Variants in SGPP2 observed in about 807,000 individuals in gnomAD.
The protein encoded by SGPP2 is sphingosine-1-phosphate phosphatase 2, also known as sphingosine 1-phosphate phosphohydrolase 2.
Under a neutral mutation model 33.9 loss-of-function variants are expected in SGPP2, and 30 were observed. That is an observed-to-expected ratio of 0.89 (90% confidence interval 0.66 to 1.20). The LOEUF (loss-of-function observed/expected upper bound fraction) is 1.20. Among genes scored for constraint, SGPP2 ranks in the 50% most tolerant of loss-of-function variants. SGPP2 has a pLI of 0.00. For synonymous variants in SGPP2, 233 were observed against 225.0 expected (o/e 1.04, Z -0.32); for missense variants, 458 against 532.1 (o/e 0.86, Z 1.37).
chr2:222,530,630 G>C (rs1328319163), intron 4 of SGPP2, among the ~76,000 whole-genome samples: 2 of 152,116 alleles, frequency 1.3e-5, no homozygotes, highest in East Asian at 3.9e-4. Context: ...ATTAGACTTT[G>C]GCTTAAGGGA....
Position 222,562,023 on chromosome 2 carries a change from G to A in SGPP2, c.*3125G>A, listed in dbSNP as rs1689551906. Among the ~76,000 whole-genome samples, 1 of 152,078 alleles carries A rather than the reference G, an allele frequency of 6.6e-6. No homozygotes were observed. Among genetic ancestry groups the A allele is most frequent in the South Asian group, 2.1e-4 (1 of 4,828 alleles). ...TCTGGGGAAAGAGAGCCCCCTACTG[G>A]TTTGGCTTCAGTCTAGGTCCACCAT... On this transcript the variant is annotated 3_prime_UTR_variant, in exon 5 of 5. Coordinates refer to ENST00000321276, the MANE Select transcript of SGPP2 (RefSeq NM_152386.4).
intron 2 of SGPP2, among the ~76,000 whole-genome samples, chr2:222,515,261 A>T (rs1313493028): frequency 4.6e-5 from 7 of 152,086 alleles, no homozygotes; most frequent in African/African-American, 9.7e-5. Flanking sequence ...CCATTCTACA[A>T]CATGGTGCCT....
intron 2 of SGPP2, among the ~76,000 whole-genome samples, chr2:222,490,541 G>A (rs989131283): frequency 6.6e-6 from 1 of 151,942 alleles, no homozygotes; most frequent in Non-Finnish European, 1.5e-5. Context: ...AGACTTAAGT[G>A]ATCCTCCAAC....
intron 1 of SGPP2, among the ~76,000 whole-genome samples, chr2:222,447,405 C>T (rs1697413868): frequency 6.6e-6 from 1 of 152,244 alleles, no homozygotes; most frequent in Non-Finnish European, 1.5e-5. Context: ...TAACAAGCCA[C>T]AAGAAAGTGG....
chr2:222,490,510 G>A lies in SGPP2; in HGVS notation c.378+15784G>A, dbSNP rs1698180588. On this transcript the variant is annotated intron_variant, in intron 2 of 4. Transcript: ENST00000321276. ...GTGGTGCAATCACAGGTCACTGCAA[G>A]CTAGACTTCCTAGACTTACTAGACT... Among the ~76,000 whole-genome samples, 6 of 152,124 alleles carry A rather than the reference G, an allele frequency of 3.9e-5. No individual in the cohort carries two copies. The South Asian group carries it at 1.2e-3, about 32-fold the overall frequency.
chr2:222,487,972 T>C (rs955878149), intron 2 of SGPP2, among the ~76,000 whole-genome samples: 1 of 152,130 alleles, frequency 6.6e-6, no homozygotes, highest in African/African-American at 2.4e-5. Context: ...ATGTTTATCA[T>C]AGAGAACAAA....
intron 4 of SGPP2, among the ~76,000 whole-genome samples, chr2:222,554,638 T>C (rs1228627948): frequency 6.6e-6 from 1 of 152,168 alleles, no homozygotes; most frequent in Non-Finnish European, 1.5e-5. Context: ...TACAGTTTCA[T>C]TAACAGAACG....
At chr2:222,424,506 A>C, upstream of SGPP2, 1 of 857,978 alleles carries the variant, frequency 1.2e-6, no homozygotes, top group Non-Finnish European at 1.5e-6. Flanking sequence ...CTCCGCCCGG[A>C]GTGCGGGATC....
intron 1 of SGPP2, among the ~76,000 whole-genome samples, chr2:222,446,397 AAT>A (rs1697399741): frequency 6.6e-6 from 1 of 152,204 alleles, no homozygotes; most frequent in East Asian, 1.9e-4. Context: ...AGGAACTATA[AAT>A]AGTCAAAAGT....
chr2:222,426,209 CA>C (rs59881994), intron 1 of SGPP2, among the ~76,000 whole-genome samples: 234 of 58,752 alleles, frequency 4.0e-3, no homozygotes, highest in South Asian at 0.011. Context: ...GACTCCGTCT[CA>C]AAAAAAAAAA....
intron 4 of SGPP2, among the ~76,000 whole-genome samples, chr2:222,542,665 G>T (rs1269707541): frequency 6.6e-6 from 1 of 152,006 alleles, no homozygotes. Context: ...GCTTCATTTT[G>T]TATGTTCATT....
intron 1 of SGPP2, among the ~76,000 whole-genome samples, chr2:222,435,916 G>A (rs1436741898): frequency 6.6e-6 from 1 of 152,156 alleles, no homozygotes; most frequent in Admixed American, 6.5e-5. Context: ...CTCGTAGAGT[G>A]ATTCAAACCT....
intron 2 of SGPP2, chr2:222,503,876 ACCTC>A (rs1698402890): frequency 6.6e-6 from 1 of 152,122 alleles, no homozygotes; most frequent in South Asian, 2.1e-4. Context: ...GGACTCTTAC[ACCTC>A]AGAGGTCACA....
At chr2:222,507,278 GAAGA>G (rs1393488574) in intron 2 of SGPP2, among the ~76,000 whole-genome samples, 1 of 152,100 alleles carries the variant, frequency 6.6e-6, no homozygotes, top group African/African-American at 2.4e-5. Context: ...GCAAGCAGAA[GAAGA>G]AAGAGTCTTT....
chr2:222,529,271 G>A (rs988547621), intron 4 of SGPP2, among the ~76,000 whole-genome samples: 5 of 152,132 alleles, frequency 3.3e-5, no homozygotes, highest in African/African-American at 1.2e-4. Context: ...TTTATCATGA[G>A]ATTGCAGCAA....
At chr2:222,473,127 G>A (rs1389984862) in intron 1 of SGPP2, among the ~76,000 whole-genome samples, 1 of 152,238 alleles carries the variant, frequency 6.6e-6, no homozygotes, top group Non-Finnish European at 1.5e-5. Flanking sequence ...AGCCTGTGAG[G>A]CTAGAAGCAA....
At chr2:222,491,328 G>A (rs908101700) in intron 2 of SGPP2, among the ~76,000 whole-genome samples, 9 of 151,990 alleles carry the variant, frequency 5.9e-5, no homozygotes, top group African/African-American at 2.2e-4. Flanking sequence ...TAGAGACAGG[G>A]TCTGTTTTCA....
chr2:222,542,177 G>A (rs1699007950), intron 4 of SGPP2, among the ~76,000 whole-genome samples: 1 of 152,170 alleles, frequency 6.6e-6, no homozygotes, highest in South Asian at 2.1e-4. Flanking sequence ...AGTATGCTTT[G>A]TTCTGTATCG....
intron 1 of SGPP2, among the ~76,000 whole-genome samples, chr2:222,469,249 T>A (rs1327705934): frequency 6.6e-6 from 1 of 152,222 alleles, no homozygotes; most frequent in African/African-American, 2.4e-5. Flanking sequence ...AGTGGCGTGA[T>A]CTCGGCTCAC....
Sources: gnomAD v4.1 joint callset for allele counts (sites outside exome capture counted in the v4.1 genomes callset) on GRCh38, gnomAD v4.1.1 for gene constraint, MANE v1.5 for transcripts, NCBI Gene and HGNC (gene_info 2026-07-23, HGNC 2026-07-21) for gene names.